Variants in MED25 observed in about 807,000 individuals in gnomAD.
The protein encoded by MED25 is mediator complex subunit 25.
In MED25, 62 loss-of-function variants were observed where a neutral mutation model predicts 89.4. That is an observed-to-expected ratio of 0.69 (90% CI 0.57 to 0.86). MED25 has a LOEUF of 0.86. Ranked by LOEUF, MED25 falls within the 40% of genes least tolerant of loss-of-function variation. The pLI is 0.00. For missense variants in MED25, 905 were observed against 1,005.2 expected (o/e 0.90, Z 1.35); for synonymous variants, 449 against 427.9 (o/e 1.05, Z -0.61).
At chr19:49,837,620 G>A (rs915434941), downstream of MED25, among the ~76,000 whole-genome samples, 1 of 152,172 alleles carries the variant, frequency 6.6e-6, no homozygotes, top group Non-Finnish European at 1.5e-5. Context: ...CTGGGTGGTG[G>A]CGGTGTCGGG....
rs1326792017 is a variant in MED25, at chr19:49,834,430, TTTCCTGGGTGC to T, written c.1483-549_1483-539del. On this transcript the variant is annotated intron_variant, in intron 13 of 17. Coordinates refer to ENST00000312865, the MANE Select transcript of MED25 (RefSeq NM_030973.4). The surrounding 1 kb of genome is among the most constrained non-coding windows in gnomAD (Gnocchi z 4.1). Reference sequence around the variant, plus strand: ...GTTACCCCCCTGATGACCAGTGATGTTTCCTGGGTGCTTCCTGTGGGCTGAGCCTCAGGCAG... The same window carrying T: ...GTTACCCCCCTGATGACCAGTGATGTTTCCTGTGGGCTGAGCCTCAGGCAG... 5.8e-6 allele frequency: 1 copy of T among 172,208 alleles called. No individual in the cohort carries two copies. The highest frequency in any genetic ancestry group is 1.4e-4 in the East Asian group (1 of 6,922). The allele number at this position is 172,208 out of a possible 1,614,324, so 10.7% of individuals were successfully genotyped here. A position where few individuals can be genotyped will look rare whatever the true frequency, so the allele number is the denominator to read the frequency against.
In MED25 at chr19:49,829,647, T is replaced by A. The variant is rs943121072; in HGVS notation, c.526-139T>A. 1.1e-6 allele frequency: 1 copy of A among 901,228 alleles called. No homozygotes were observed. The highest frequency in any genetic ancestry group is 1.7e-6 in the Non-Finnish European group (1 of 593,166). 55.8% of individuals were successfully genotyped at this position (901,228 alleles called of 1,614,324 possible). A position where few individuals can be genotyped will look rare whatever the true frequency, so the allele number is the denominator to read the frequency against. On this transcript the variant is annotated intron_variant, in intron 5 of 17. Coordinates refer to ENST00000312865, the MANE Select transcript of MED25 (RefSeq NM_030973.4). This position sits in a 1 kb window ranked among gnomAD's most constrained non-coding sequence, Gnocchi z 4.6. ...GCAGGTGATACCTGGTTTCAGGGTCTCCTGCCTCAAAGCCCAATGGGAATT... is the reference window on the plus strand; with the variant it reads ...GCAGGTGATACCTGGTTTCAGGGTCACCTGCCTCAAAGCCCAATGGGAATT...
At chr19:49,838,789 C>T, downstream of MED25, 1 of 452,648 alleles carries the variant, frequency 2.2e-6, no homozygotes, top group Non-Finnish European at 4.5e-6. Context: ...AGATGCCATC[C>T]TCAACGAACT....
rs1412475364 is a variant in MED25, at chr19:49,831,468, G to T, written c.1230+7G>T. ...GGTCCTGGAGTGGCAAGAGGTGAGG[G>T]GCCTGAGGGTCCATTGGGCACTTGG... On this transcript the variant is annotated splice_region_variant and intron_variant, in intron 10 of 17. Transcript: ENST00000312865. This position sits in a 1 kb window ranked among gnomAD's most constrained non-coding sequence, Gnocchi z 5.0. 2.5e-6 allele frequency: 4 copies of T among 1,611,500 alleles called. No individual in the cohort carries two copies. The highest frequency in any genetic ancestry group is 3.4e-6 in the Non-Finnish European group (4 of 1,178,904).
chr19:49,836,134 C>T lies in MED25; in HGVS notation c.1966-92C>T. The T allele has an allele frequency of 6.5e-7, 1 of 1,528,536 alleles. No individual in the cohort carries two copies. Among genetic ancestry groups the T allele is most frequent in the East Asian group, 2.3e-5 (1 of 43,226 alleles). The allele number at this position is 1,528,536 out of a possible 1,614,324, so 94.7% of individuals were successfully genotyped here. On this transcript the variant is annotated intron_variant, in intron 16 of 17. Coordinates refer to ENST00000312865, the MANE Select transcript of MED25 (RefSeq NM_030973.4). This position sits in a 1 kb window ranked among gnomAD's most constrained non-coding sequence, Gnocchi z 5.1. ...ACCTTTGAAGAAAAACTTCCCCTCA[C>T]CACTAGCTGATTCCATCTCTGAGCA...
At chr19:49,839,251 TAGAC>T (rs1334029225), downstream of MED25, 2 of 172,050 alleles carry the variant, frequency 1.2e-5, no homozygotes, top group Non-Finnish European at 2.5e-5. Context: ...AAGTTTCACA[TAGAC>T]TGGCCAGAGT....
intron 2 of MED25, 181 bp downstream of exon 2, chr19:49,818,797 G>A: frequency 1.5e-6 from 1 of 669,682 alleles, no homozygotes; most frequent in Non-Finnish European, 2.5e-6. Flanking sequence ...GTCTGAGGGT[G>A]GAGGCGCTGG....
At chr19:49,823,252 G>A (rs1412681021) in intron 3 of MED25, among the ~76,000 whole-genome samples, 1 of 152,162 alleles carries the variant, frequency 6.6e-6, no homozygotes, top group East Asian at 1.9e-4. Context: ...CTGAGCTGCG[G>A]TGCCAAGTCC....
Position 49,828,994 on chromosome 19 carries a change from C to G in MED25, c.429C>G (p.Leu143=). The G allele has an allele frequency of 6.2e-7, 1 of 1,614,134 alleles. No individual in the cohort carries two copies. The highest frequency in any genetic ancestry group is 8.5e-7 in the Non-Finnish European group (1 of 1,180,032). Residue 143 remains leucine (L), a synonymous_variant, in exon 5 of 18, where the codon CTC becomes CTG. Coordinates refer to ENST00000312865, the MANE Select transcript of MED25 (RefSeq NM_030973.4). ...EQIGQTHRVC[L]LICNSPPYLL... Reference sequence around the variant, plus strand: ...GTGGCCAGACGCACCGGGTCTGCCTCCTCATCTGCAACTCACCCCCATACT... The same window carrying G: ...GTGGCCAGACGCACCGGGTCTGCCTGCTCATCTGCAACTCACCCCCATACT...
chr19:49,825,749 T>C (rs2074011458), intron 3 of MED25, among the ~76,000 whole-genome samples: 1 of 151,500 alleles, frequency 6.6e-6, no homozygotes, highest in African/African-American at 2.4e-5. Flanking sequence ...GAGAATCACT[T>C]GAACCCAGAA....
In MED25 at chr19:49,836,197, C is replaced by G; in HGVS notation, c.1966-29C>G. On this transcript the variant is annotated intron_variant, in intron 16 of 17. Coordinates refer to ENST00000312865, the MANE Select transcript of MED25 (RefSeq NM_030973.4). This position sits in a 1 kb window ranked among gnomAD's most constrained non-coding sequence, Gnocchi z 5.1. ...AGAGGTGGGGAGTCTCTACCAGGAGCCTCTGAGCCACTCTCTGTGTTCTCC... is the reference window on the plus strand; with the variant it reads ...AGAGGTGGGGAGTCTCTACCAGGAGGCTCTGAGCCACTCTCTGTGTTCTCC... 6.2e-7 allele frequency: 1 copy of G among 1,608,518 alleles called. No homozygotes were observed. Among genetic ancestry groups the G allele is most frequent in the Non-Finnish European group, 8.5e-7 (1 of 1,177,630 alleles).
At chr19:49,826,501 T>C (rs1440249661) in intron 3 of MED25, among the ~76,000 whole-genome samples, 1 of 151,944 alleles carries the variant, frequency 6.6e-6, no homozygotes, top group African/African-American at 2.4e-5. Context: ...GTGCGAGAAC[T>C]CAGGCAGGAA....
chr19:49,826,947 A>G (rs935685888), intron 3 of MED25, among the ~76,000 whole-genome samples: 3 of 152,174 alleles, frequency 2.0e-5, no homozygotes, highest in Non-Finnish European at 2.9e-5. Flanking sequence ...GGTTGGTTCC[A>G]GTCTTGATGG....
chr19:49,831,998 C>T lies in MED25; in HGVS notation c.1293C>T (p.Val431=). 6.2e-7 allele frequency: 1 copy of T among 1,613,904 alleles called. No individual in the cohort carries two copies. The highest frequency in any genetic ancestry group is 2.2e-5 in the East Asian group (1 of 44,874). The change falls in exon 11 of 18, where the codon GTC becomes GTT. Residue 431 remains valine (V), a synonymous_variant. Coordinates refer to ENST00000312865, the MANE Select transcript of MED25 (RefSeq NM_030973.4). The surrounding 1 kb of genome is among the most constrained non-coding windows in gnomAD (Gnocchi z 5.0). ...TGACGCGGTCACTGCCCTGCCAGGT[C>T]TACGTGAATCATGGCGAGAACCTGT... ...TKLTRSLPCQ[V]YVNHGENLKT...
rs2017698 is a variant in MED25 at position 49,834,979 on chromosome 19, C to T, written c.1483-7C>T. Reference sequence around the variant, plus strand: ...TGAATGGTTCTGAAGAGCTGTTGTCCACCCAGGCGGGCTGCGTGCACTTCC... The same window carrying T: ...TGAATGGTTCTGAAGAGCTGTTGTCTACCCAGGCGGGCTGCGTGCACTTCC... On this transcript the variant is annotated splice_region_variant and splice_polypyrimidine_tract_variant and intron_variant, in intron 13 of 17. Transcript: ENST00000312865. This position sits in a 1 kb window ranked among gnomAD's most constrained non-coding sequence, Gnocchi z 4.1. 31,189 of 1,613,766 alleles carry T rather than the reference C, an allele frequency of 0.019. 365 individuals carry two copies. Among genetic ancestry groups the T allele is most frequent in the Middle Eastern group, 0.031 (189 of 6,012 alleles).
intron 3 of MED25, among the ~76,000 whole-genome samples, chr19:49,820,926 A>G (rs2073977165): frequency 6.6e-6 from 1 of 152,200 alleles, no homozygotes; most frequent in Non-Finnish European, 1.5e-5. Flanking sequence ...GGGGATGTGG[A>G]TAGTACTTGT....
At chr19:49,839,211 A>G (rs1290653), downstream of MED25, 1,713 of 176,590 alleles carry the variant, frequency 9.7e-3, 34 homozygotes, top group African/African-American at 0.038. Context: ...ACACTGGGAA[A>G]GGACTAATTT....
In MED25 at chr19:49,835,030, C is replaced by T. The variant is rs756350936; in HGVS notation, c.1527C>T (p.Arg509=). 7.4e-6 allele frequency: 12 copies of T among 1,613,968 alleles called. No individual in the cohort carries two copies. The Admixed American group carries it at 1.0e-4, about 13-fold the overall frequency. The part of the protein sequence containing the change: ...HFPHTAPCEV[R]VLMLLYSSKK... ...CCCACACGGCGCCCTGTGAGGTGCG[C>T]GTGCTCATGCTCCTGTACTCGTCCA... Residue 509 remains arginine, a synonymous_variant, in exon 14 of 18, where the codon CGC becomes CGT. Coordinates refer to ENST00000312865, the MANE Select transcript of MED25 (RefSeq NM_030973.4). This position sits in a 1 kb window ranked among gnomAD's most constrained non-coding sequence, Gnocchi z 6.2.
Position 49,835,861 on chromosome 19 carries a change from C to T in MED25, c.1881C>T (p.Gly627=), listed in dbSNP as rs771936353. ...AAGGCCCTCCTGGAGCAGCTTCTGG[C>T]CCACCCCCTCCTGGACCCATCCTTC... ...APQGPPGAAS[G]PPPPGPILRP... is the part of the protein sequence containing the mutation. Residue 627 remains glycine, a synonymous_variant, in exon 16 of 18, where the codon GGC becomes GGT. Coordinates refer to ENST00000312865, the MANE Select transcript of MED25 (RefSeq NM_030973.4). The surrounding 1 kb of genome is among the most constrained non-coding windows in gnomAD (Gnocchi z 6.2). The T allele has an allele frequency of 6.8e-6, 11 of 1,612,440 alleles. No homozygotes were observed. In the South Asian group the frequency reaches 1.1e-4, roughly 16 times the overall value.
Sources: allele counts gnomAD v4.1 joint callset (sites outside exome capture counted in the v4.1 genomes callset), GRCh38; gene constraint gnomAD v4.1.1; non-coding constraint Gnocchi (gnomAD v3.1); transcripts MANE v1.5; gene names NCBI Gene and HGNC (gene_info 2026-07-23, HGNC 2026-07-21).